Variants in HMGCLL1 observed in about 807,000 individuals in gnomAD.
The protein encoded by HMGCLL1 is 3-hydroxymethyl-3-methylglutaryl-CoA lyase, cytoplasmic.
A neutral mutation model predicts 39.1 loss-of-function variants in HMGCLL1; 36 were observed. The observed-to-expected ratio is 0.92, with a 90% CI of 0.71 to 1.22. The LOEUF is 1.22. Among genes scored for constraint, HMGCLL1 ranks in the 50% most tolerant of loss-of-function variants. The pLI is 0.00. For synonymous variants in HMGCLL1, 149 were observed against 144.0 expected (o/e 1.03, Z -0.25); for missense variants, 451 against 416.5 (o/e 1.08, Z -0.72).
chr6:55,641,275 T>C, the HMGCLL1 span, among the ~76,000 whole-genome samples: 1 of 151,816 alleles, frequency 6.6e-6, no homozygotes, highest in African/African-American at 2.4e-5. Flanking sequence ...GCATGTGTTG[T>C]ATAATTTCTT....
chr6:55,625,230 C>G, the HMGCLL1 span, among the ~76,000 whole-genome samples: 1 of 152,124 alleles, frequency 6.6e-6, no homozygotes, highest in South Asian at 2.1e-4. Context: ...AGTCACCATG[C>G]CACCTGAATT....
the HMGCLL1 span, among the ~76,000 whole-genome samples, chr6:55,627,758 C>T: frequency 6.9e-6 from 1 of 145,218 alleles, no homozygotes; most frequent in East Asian, 2.1e-4. Context: ...GCTTCCTGCC[C>T]TTGAACATTG....
At chr6:55,462,075 G>A (rs528764249) in intron 7 of HMGCLL1, among the ~76,000 whole-genome samples, 89 of 152,180 alleles carry the variant, frequency 5.8e-4, no homozygotes, top group African/African-American at 2.1e-3. Flanking sequence ...ATATTCATGC[G>A]ATTATGGGGT....
In HMGCLL1 at chr6:55,556,750, G is replaced by T. The variant is rs563469550; in HGVS notation, c.109-14610C>A. Among the ~76,000 whole-genome samples, 30 of 152,276 alleles carry T rather than the reference G, an allele frequency of 2.0e-4. 1 individual carries two copies. Among genetic ancestry groups the T allele is most frequent in the African/African-American group, 7.0e-4 (29 of 41,552 alleles). ...CATAGAAATAATCTAGACGAGAGATGACAGCTGATTAGATTAGGATCTTTT... is the reference window on the plus strand; with the variant it reads ...CATAGAAATAATCTAGACGAGAGATTACAGCTGATTAGATTAGGATCTTTT... On this transcript the variant is annotated intron_variant, in intron 1 of 8. Transcript: ENST00000274901.
At chr6:55,496,627 T>A (rs1766596767) in intron 6 of HMGCLL1, among the ~76,000 whole-genome samples, 8 of 152,114 alleles carry the variant, frequency 5.3e-5, no homozygotes, top group Admixed American at 5.2e-4. Context: ...TTTAGTGAAA[T>A]ACCATAAACC....
At chr6:55,484,563 C>T (rs930159417) in intron 7 of HMGCLL1, among the ~76,000 whole-genome samples, 3 of 152,068 alleles carry the variant, frequency 2.0e-5, no homozygotes, top group Admixed American at 2.0e-4. Context: ...TATTTGCCAG[C>T]AAATATTGTC....
the HMGCLL1 span, among the ~76,000 whole-genome samples, chr6:55,608,641 T>A: frequency 6.6e-6 from 1 of 151,754 alleles, no homozygotes; most frequent in Non-Finnish European, 1.5e-5. Context: ...GTATGAAAAT[T>A]AAGAAAAAAG....
intron 8 of HMGCLL1, among the ~76,000 whole-genome samples, chr6:55,436,051 G>C (rs530658714): frequency 1.3e-5 from 2 of 151,850 alleles, no homozygotes; most frequent in Non-Finnish European, 2.9e-5. Context: ...CTAGAGTCTA[G>C]GAAGGACAAT....
chr6:55,672,075 G>C, the HMGCLL1 span, among the ~76,000 whole-genome samples: 1 of 151,672 alleles, frequency 6.6e-6, no homozygotes, highest in Non-Finnish European at 1.5e-5. Context: ...GACAGAGGAA[G>C]ATTTTCAGTG....
chr6:55,655,127 A>G, the HMGCLL1 span, among the ~76,000 whole-genome samples: 1 of 151,940 alleles, frequency 6.6e-6, no homozygotes, highest in African/African-American at 2.4e-5. Flanking sequence ...TCTGTTTCCC[A>G]GATAAGCTAT....
the HMGCLL1 span, among the ~76,000 whole-genome samples, chr6:55,666,366 A>AAAG: frequency 6.6e-6 from 1 of 151,634 alleles, no homozygotes; most frequent in African/African-American, 2.4e-5. Context: ...TTATCCACTC[A>AAAG]AAGTTTCAGA....
At chr6:55,523,328 T>A (rs1183804176) in intron 3 of HMGCLL1, among the ~76,000 whole-genome samples, 1 of 151,988 alleles carries the variant, frequency 6.6e-6, no homozygotes, top group East Asian at 1.9e-4. Flanking sequence ...GTCATGATAT[T>A]CGGGAAGGAC....
At chr6:55,651,790 T>A in the HMGCLL1 span, among the ~76,000 whole-genome samples, 1 of 152,116 alleles carries the variant, frequency 6.6e-6, no homozygotes, top group Non-Finnish European at 1.5e-5. Context: ...GATGCCCTTC[T>A]GACTAGGGCT....
chr6:55,438,553 C>T (rs1164707732), intron 8 of HMGCLL1, among the ~76,000 whole-genome samples: 11 of 151,992 alleles, frequency 7.2e-5, no homozygotes, highest in Admixed American at 3.3e-4. Context: ...GTCTTACTTT[C>T]CAGGCCAAAT....
At chr6:55,556,304 A>G (rs988138565) in intron 1 of HMGCLL1, among the ~76,000 whole-genome samples, 2 of 152,198 alleles carry the variant, frequency 1.3e-5, no homozygotes, top group African/African-American at 4.8e-5. Context: ...TTGCCATTTT[A>G]TGTAAGAATT....
intron 3 of HMGCLL1, among the ~76,000 whole-genome samples, chr6:55,540,773 G>A (rs1769387737): frequency 1.3e-5 from 2 of 152,278 alleles, no homozygotes; most frequent in African/African-American, 4.8e-5. Context: ...TGAGATTGAG[G>A]TGGAGATGGT....
intron 7 of HMGCLL1, among the ~76,000 whole-genome samples, chr6:55,476,343 A>G (rs1358716381): frequency 2.0e-5 from 3 of 151,694 alleles, no homozygotes; most frequent in Non-Finnish European, 4.4e-5. Context: ...GAAGTGTGTC[A>G]TTTCATTTCA....
At chr6:55,547,518 T>C (rs1161728750) in intron 1 of HMGCLL1, among the ~76,000 whole-genome samples, 1 of 151,972 alleles carries the variant, frequency 6.6e-6, no homozygotes, top group African/African-American at 2.4e-5. Flanking sequence ...TTATGTTTCA[T>C]GCACTTCATT....
At chr6:55,474,339 C>T (rs1765189393) in intron 7 of HMGCLL1, among the ~76,000 whole-genome samples, 1 of 151,444 alleles carries the variant, frequency 6.6e-6, no homozygotes, top group Non-Finnish European at 1.5e-5. Flanking sequence ...CTTTGCATTT[C>T]AGTTTTATGA....
Sources: allele counts gnomAD v4.1 joint callset (sites outside exome capture counted in the v4.1 genomes callset), GRCh38; gene constraint gnomAD v4.1.1; transcripts MANE v1.5; gene names NCBI Gene and HGNC (gene_info 2026-07-23, HGNC 2026-07-21).